The following ADGB variants were observed in gnomAD, a reference collection of about 807,000 sequenced individuals.
ADGB encodes androglobin.
A neutral mutation model predicts 210.5 loss-of-function variants in ADGB; 172 were observed. That is an observed-to-expected ratio of 0.82 (90% CI 0.72 to 0.93). The LOEUF is 0.93. ADGB is among the 40% of genes least tolerant of loss of function. ADGB has a pLI of 0.00. For missense variants in ADGB, 2,025 were observed against 1,964.8 expected, an observed-to-expected ratio of 1.03 and a Z score of -0.58; for synonymous variants, 658 against 662.7, an observed-to-expected ratio of 0.99 and a Z score of 0.11.
chr6:146,812,803 C>G (rs1778321191), intron 35 of ADGB, among the ~76,000 whole-genome samples: 1 of 152,174 alleles, frequency 6.6e-6, no homozygotes, highest in African/African-American at 2.4e-5. Context: ...GAAAGGTTTC[C>G]AGGCCAGCAA....
At chr6:146,640,364 C>G (rs955258525) in intron 2 of ADGB, among the ~76,000 whole-genome samples, 1 of 151,982 alleles carries the variant, frequency 6.6e-6, no homozygotes, top group African/African-American at 2.4e-5. Context: ...TCTACTGAAA[C>G]TCTTCTAAAA....
chr6:146,763,214 CTG>C (rs1420021903), intron 27 of ADGB, among the ~76,000 whole-genome samples: 1 of 152,120 alleles, frequency 6.6e-6, no homozygotes, highest in Non-Finnish European at 1.5e-5. Flanking sequence ...CAATCCTGGG[CTG>C]TATATTTTCC....
In ADGB at chr6:146,814,966, T is replaced by C. The variant is rs554475120; in HGVS notation, c.4819-66T>C. 3 of 1,448,632 alleles carry C rather than the reference T, an allele frequency of 2.1e-6. No individual in the cohort carries two copies. In the Admixed American group the frequency reaches 8.5e-5, roughly 41 times the overall value. 89.7% of individuals were successfully genotyped at this position (1,448,632 alleles called of 1,614,324 possible). A position where few individuals can be genotyped will look rare whatever the true frequency, so the allele number is the denominator to read the frequency against. ...GGACAGGGTAAAGGAATTTCATTTT[T>C]TTCTTTCTGGGAACATAAGCCTTTA... On this transcript the variant is annotated intron_variant, in intron 35 of 35. Coordinates refer to ENST00000397944, the MANE Select transcript of ADGB (RefSeq NM_024694.4).
At chr6:146,607,071 C>T (rs1223803534) in intron 1 of ADGB, among the ~76,000 whole-genome samples, 1 of 152,102 alleles carries the variant, frequency 6.6e-6, no homozygotes, top group Non-Finnish European at 1.5e-5. Context: ...TCTCTGATTT[C>T]TTTAAGCAAT....
At position 146,676,385 on chromosome 6, in the gene ADGB, T is replaced by C; in HGVS notation, c.1160T>C (p.Leu387Pro). ...DGEKEKFKFS[L>P]HGSRPSSEVQ... ...GAAAAAGAAAAATTCAAATTCTCAC[T>C]TCATGGTTCAAGACCCTCATCAGAA... Residue 387 changes from leucine to proline, a missense_variant, in exon 9 of 36, where the codon CTT (leucine) becomes CCT (proline). Leu to Pro is a moderately conservative substitution (Grantham distance 98). Transcript: ENST00000397944. 1.3e-6 allele frequency: 2 copies of C among 1,549,012 alleles called. No individual in the cohort carries two copies. Among genetic ancestry groups the C allele is most frequent in the Non-Finnish European group, 1.7e-6 (2 of 1,145,314 alleles).
chr6:146,787,907 G>C (rs1777897171), intron 32 of ADGB, among the ~76,000 whole-genome samples: 1 of 151,378 alleles, frequency 6.6e-6, no homozygotes, highest in Admixed American at 6.6e-5. Flanking sequence ...ACACTGAATA[G>C]ACTCAGAGTA....
intron 17 of ADGB, 115 bp downstream of exon 17, chr6:146,721,620 C>G: frequency 1.9e-6 from 1 of 520,656 alleles, no homozygotes; most frequent in Non-Finnish European, 3.3e-6. Flanking sequence ...GGTGGATCAC[C>G]TGAAGTCAGG....
intron 20 of ADGB, 50 bp downstream of exon 20, chr6:146,728,791 AATGGT>A: frequency 7.0e-7 from 1 of 1,428,330 alleles, no homozygotes. Context: ...TTCTTTTCAA[AATGGT>A]ATATCTTCCA....
chr6:146,745,551 G>C (rs563001885), intron 25 of ADGB, among the ~76,000 whole-genome samples: 21 of 152,308 alleles, frequency 1.4e-4, no homozygotes, highest in African/African-American at 4.3e-4. Flanking sequence ...ATAGATCTGG[G>C]TTACAGGAAA....
intron 9 of ADGB, among the ~76,000 whole-genome samples, chr6:146,684,868 A>T (rs1487055001): frequency 6.6e-6 from 1 of 152,028 alleles, no homozygotes; most frequent in Non-Finnish European, 1.5e-5. Flanking sequence ...GGCAAGGTGT[A>T]TGAGAAATGT....
Position 146,724,118 on chromosome 6 carries a change from GAC to G in ADGB, c.2096-66_2096-65del, listed in dbSNP as rs952326615. ...TTTATGTTGTTACTTAATAAAAAAAGACAGTACTAGTGAATGCCAACTACACT... is the reference window on the plus strand; with the variant it reads ...TTTATGTTGTTACTTAATAAAAAAAGAGTACTAGTGAATGCCAACTACACT... On this transcript the variant is annotated intron_variant, in intron 17 of 35. Coordinates refer to ENST00000397944, the MANE Select transcript of ADGB (RefSeq NM_024694.4). 1.2e-4 allele frequency: 157 copies of G among 1,258,496 alleles called. No individual in the cohort carries two copies. In the Middle Eastern group the frequency reaches 1.5e-3, roughly 12 times the overall value. 78.0% of individuals were successfully genotyped at this position (1,258,496 alleles called of 1,614,324 possible). A position where few individuals can be genotyped will look rare whatever the true frequency, so the allele number is the denominator to read the frequency against.
intron 4 of ADGB, among the ~76,000 whole-genome samples, chr6:146,654,647 T>C (rs548651850): frequency 6.6e-6 from 1 of 152,244 alleles, no homozygotes; most frequent in South Asian, 2.1e-4. Flanking sequence ...CCCCTGTTCC[T>C]GGCCAAAAAT....
intron 25 of ADGB, among the ~76,000 whole-genome samples, chr6:146,745,468 G>C (rs1231741415): frequency 1.3e-5 from 2 of 152,118 alleles, no homozygotes; most frequent in East Asian, 3.9e-4. Context: ...TAATTTTACA[G>C]TTTTACCTGT....
intron 1 of ADGB, among the ~76,000 whole-genome samples, chr6:146,620,583 T>G (rs1290325764): frequency 6.6e-6 from 1 of 152,110 alleles, no homozygotes. Flanking sequence ...AGCTTTCTAA[T>G]GATTTTTTTC....
Position 146,676,364 on chromosome 6 carries a change from A to G in ADGB, c.1139A>G (p.Lys380Arg). The G allele has an allele frequency of 6.5e-7, 1 of 1,549,674 alleles. No homozygotes were observed. Among genetic ancestry groups the G allele is most frequent in the Non-Finnish European group, 8.7e-7 (1 of 1,145,766 alleles). ...AAGAAGAGAAGCAAAGATGGAGAAA[A>G]AGAAAAATTCAAATTCTCACTTCAT... ...IGKKRSKDGE[K>R]EKFKFSLHGS... is the part of the protein sequence containing the mutation. Residue 380 changes from lysine (K) to arginine (R), a missense_variant, in exon 9 of 36, where the codon AAA becomes AGA. Coordinates refer to ENST00000397944, the MANE Select transcript of ADGB (RefSeq NM_024694.4).
At chr6:146,615,160 C>T (rs781601707) in intron 1 of ADGB, among the ~76,000 whole-genome samples, 2 of 151,982 alleles carry the variant, frequency 1.3e-5, no homozygotes, top group African/African-American at 4.8e-5. Flanking sequence ...CCTGCCTTGG[C>T]CTCCCAAATT....
intron 13 of ADGB, among the ~76,000 whole-genome samples, chr6:146,709,935 T>C (rs953573609): frequency 6.6e-6 from 1 of 152,124 alleles, no homozygotes; most frequent in African/African-American, 2.4e-5. Flanking sequence ...TGGATTATTT[T>C]TCAAATTGAT....
Position 146,646,931 on chromosome 6 carries a change from A to G in ADGB, c.330+2066A>G, listed in dbSNP as rs1358989963. On this transcript the variant is annotated intron_variant, in intron 3 of 35. Transcript: ENST00000397944. The stretch of plus-strand genomic sequence containing the variant: ...TGGCAAAATTCCATCTCCACTAAAA[A>G]TACAAAAATTATTCAGGCATGGTAA... Among the ~76,000 whole-genome samples, 3 of 152,066 alleles carry G rather than the reference A, an allele frequency of 2.0e-5. No homozygotes were observed. The South Asian group carries it at 6.2e-4, about 32-fold the overall frequency.
intron 1 of ADGB, among the ~76,000 whole-genome samples, chr6:146,602,193 C>T (rs1023407424): frequency 1.5e-4 from 23 of 152,120 alleles, no homozygotes; most frequent in African/African-American, 2.2e-4. Flanking sequence ...TTTTTGACAA[C>T]GGACAAGTCA....
Sources: gnomAD v4.1 joint callset for allele counts (sites outside exome capture counted in the v4.1 genomes callset) on GRCh38, gnomAD v4.1.1 for gene constraint, MANE v1.5 for transcripts, NCBI Gene and HGNC (gene_info 2026-07-23, HGNC 2026-07-21) for gene names.